The following MPHOSPH9 variants were observed in gnomAD, a reference collection of about 807,000 sequenced individuals.
The protein encoded by MPHOSPH9 is M-phase phosphoprotein 9.
In MPHOSPH9, 88 loss-of-function variants were observed where a neutral mutation model predicts 145.5. The ratio of observed to expected loss-of-function variants is 0.60; its 90% CI spans 0.51 to 0.72. The LOEUF (loss-of-function observed/expected upper bound fraction) is 0.72, where lower values mean the gene tolerates loss of function less well. Among genes scored for constraint, MPHOSPH9 ranks in the 30% least tolerant of loss-of-function variants. The probability of loss-of-function intolerance (pLI) is 0.00; values close to 1 mark genes in which losing one functional copy is unlikely to be tolerated. For missense variants in MPHOSPH9, 1,238 were observed against 1,386.6 expected (o/e 0.89, Z 1.70); for synonymous variants, 435 against 486.2 (o/e 0.89, Z 1.39).
intron 1 of MPHOSPH9, among the ~76,000 whole-genome samples, chr12:123,241,376 C>T (rs982066471): frequency 2.0e-5 from 3 of 152,026 alleles, no homozygotes; most frequent in South Asian, 2.1e-4. Flanking sequence ...CTTCAGTCTT[C>T]GCCCAGGCTG....
rs1260318 is a variant in MPHOSPH9, at chr12:123,161,284, G to T, written c.3233C>A (p.Ala1078Asp). ...GCTAACTGATTTATTCTTCTCCCAG[G>T]CTGTTCTCACAGATACTTTCTTCAC... ...NGVKKVSVRT[A>D]WEKNKSVSYE... Residue 1078 changes from alanine (A) to aspartate (D), a missense_variant, in exon 22 of 24, where the codon GCC becomes GAC. By Grantham distance (126) the Ala-to-Asp change is moderately radical. Coordinates refer to ENST00000606320, the MANE Select transcript of MPHOSPH9 (RefSeq NM_022782.4). 2.1e-3 allele frequency: 3,450 copies of T among 1,614,042 alleles called. 75 individuals carry two copies. In the African/African-American group the frequency reaches 0.041, roughly 19 times the overall value.
At chr12:123,175,493 G>A (rs1369653516) in intron 16 of MPHOSPH9, among the ~76,000 whole-genome samples, 2 of 152,074 alleles carry the variant, frequency 1.3e-5, no homozygotes, top group Non-Finnish European at 2.9e-5. Flanking sequence ...GCTATAAATG[G>A]TCAATCTCTG....
chr12:123,171,678 A>G (rs528498770), intron 16 of MPHOSPH9, among the ~76,000 whole-genome samples: 1 of 143,610 alleles, frequency 7.0e-6, no homozygotes, highest in African/African-American at 2.6e-5. Context: ...GAACATGGGA[A>G]GCAGAGGTTA....
At chr12:123,228,657 C>T (rs1439076547) in intron 2 of MPHOSPH9, among the ~76,000 whole-genome samples, 1 of 151,820 alleles carries the variant, frequency 6.6e-6, no homozygotes, top group Non-Finnish European at 1.5e-5. Context: ...CACTGCACCC[C>T]AGCCTAGTGA....
intron 1 of MPHOSPH9, among the ~76,000 whole-genome samples, chr12:123,238,527 T>A (rs2047885439): frequency 6.6e-6 from 1 of 152,128 alleles, no homozygotes; most frequent in Non-Finnish European, 1.5e-5. Context: ...TCCCAGCACT[T>A]TTTGAGACCG....
intron 12 of MPHOSPH9, among the ~76,000 whole-genome samples, chr12:123,195,845 G>T (rs147519737): frequency 6.6e-6 from 1 of 152,072 alleles, no homozygotes; most frequent in Non-Finnish European, 1.5e-5. Flanking sequence ...TTTAAGACCA[G>T]CCTGGGCGAC....
At chr12:123,182,823 A>G (rs1162676604) in intron 13 of MPHOSPH9, among the ~76,000 whole-genome samples, 1 of 151,854 alleles carries the variant, frequency 6.6e-6, no homozygotes, top group African/African-American at 2.4e-5. Flanking sequence ...CTGAGGTGGG[A>G]GAACTGCTTG....
chr12:123,223,167 T>C, intron 3 of MPHOSPH9, 40 bp from the exon 4 acceptor site: 1 of 1,215,812 alleles, frequency 8.2e-7, no homozygotes, highest in Non-Finnish European at 1.1e-6. Context: ...AATAATTTTT[T>C]GACTTAACAT....
chr12:123,190,339 A>G (rs942966471), intron 13 of MPHOSPH9, among the ~76,000 whole-genome samples: 1 of 152,026 alleles, frequency 6.6e-6, no homozygotes, highest in Non-Finnish European at 1.5e-5. Context: ...TTTTTAGTAG[A>G]GACGGGGTTT....
intron 12 of MPHOSPH9, among the ~76,000 whole-genome samples, chr12:123,197,548 CCGAGGTGGGTGGATCA>C (rs1479935194): frequency 1.3e-5 from 2 of 152,038 alleles, no homozygotes; most frequent in Non-Finnish European, 2.9e-5. Flanking sequence ...CTCTGGGAGG[CCGAGGTGGGTGGATCA>C]CGAGGTCAGG....
chr12:123,173,646 C>T (rs1565908740), intron 16 of MPHOSPH9, among the ~76,000 whole-genome samples: 1 of 152,116 alleles, frequency 6.6e-6, no homozygotes, highest in Non-Finnish European at 1.5e-5. Context: ...ATAAAATGCC[C>T]AAAAGGACAG....
intron 6 of MPHOSPH9, among the ~76,000 whole-genome samples, chr12:123,216,891 A>G (rs2046985831): frequency 6.6e-6 from 1 of 151,990 alleles, no homozygotes; most frequent in South Asian, 2.1e-4. Context: ...CGAGAGGCCG[A>G]GGCAGGAGAA....
chr12:123,163,935 A>G lies in MPHOSPH9; in HGVS notation c.2908+15T>C, dbSNP rs779218362. ...ACGCTTTTGAACCCAAGAGATGTAC[A>G]CATCTAACTCTTACTTGGAGTACTT... On this transcript the variant is annotated intron_variant, in intron 19 of 23. Transcript: ENST00000606320. 6.2e-7 allele frequency: 1 copy of G among 1,613,862 alleles called. No homozygotes were observed. The highest frequency in any genetic ancestry group is 2.2e-5 in the East Asian group (1 of 44,858).
chr12:123,179,478 G>A (rs939156368), intron 15 of MPHOSPH9, among the ~76,000 whole-genome samples: 1 of 152,124 alleles, frequency 6.6e-6, no homozygotes, highest in African/African-American at 2.4e-5. Context: ...GGGAGGCTGA[G>A]GCAGGAGAAT....
chr12:123,166,736 T>C lies in MPHOSPH9; in HGVS notation c.2510A>G (p.Glu837Gly). ...SRRKWLIPGA[E>G]YSIFTGQPLD... Reference sequence around the variant, plus strand: ...AGGCTGGCCAGTAAAGATGGAATACTCTGCACCTGGAATCAGCCATTTCCG... The same window carrying C: ...AGGCTGGCCAGTAAAGATGGAATACCCTGCACCTGGAATCAGCCATTTCCG... Residue 837 changes from glutamate to glycine, a missense_variant, in exon 17 of 24, where the codon GAG (glutamate) becomes GGG (glycine). By Grantham distance (98) the Glu-to-Gly change is moderately conservative. Transcript: ENST00000606320. 2 of 1,614,082 alleles carry C rather than the reference T, an allele frequency of 1.2e-6. No homozygotes were observed. Among genetic ancestry groups the C allele is most frequent in the Admixed American group, 1.7e-5 (1 of 59,964 alleles).
intron 1 of MPHOSPH9, among the ~76,000 whole-genome samples, chr12:123,231,499 TC>T (rs2047633321): frequency 6.6e-6 from 1 of 152,138 alleles, no homozygotes; most frequent in Non-Finnish European, 1.5e-5. Flanking sequence ...ATATATATGG[TC>T]TTTTGTCTCT....
Position 123,223,017 on chromosome 12 carries a change from T to G in MPHOSPH9, c.348+21A>C, listed in dbSNP as rs919983045. The G allele has an allele frequency of 3.5e-6, 5 of 1,430,248 alleles. No homozygotes were observed. In the East Asian group the frequency reaches 1.3e-4, roughly 37 times the overall value. The allele number at this position is 1,430,248 out of a possible 1,614,324, so 88.6% of individuals were successfully genotyped here. On this transcript the variant is annotated intron_variant, in intron 4 of 23. Coordinates refer to ENST00000606320, the MANE Select transcript of MPHOSPH9 (RefSeq NM_022782.4). The stretch of plus-strand genomic sequence containing the variant: ...ATGTATATGTATATAAAAAAAGGAA[T>G]CAATGTAAATGGTAACTTACTTGAA...
intron 3 of MPHOSPH9, among the ~76,000 whole-genome samples, chr12:123,224,832 A>C (rs2047372081): frequency 6.6e-6 from 1 of 152,200 alleles, no homozygotes; most frequent in Admixed American, 6.5e-5. Flanking sequence ...TCAGAAAAGC[A>C]TGTCACCAGT....
intron 8 of MPHOSPH9, among the ~76,000 whole-genome samples, chr12:123,205,873 A>C (rs1379033423): frequency 2.0e-5 from 3 of 152,170 alleles, no homozygotes; most frequent in Non-Finnish European, 4.4e-5. Context: ...TTCCCTGCTC[A>C]TGAGCTCAAA....
Sources: allele counts gnomAD v4.1 joint callset (sites outside exome capture counted in the v4.1 genomes callset), GRCh38; gene constraint gnomAD v4.1.1; transcripts MANE v1.5; gene names NCBI Gene and HGNC (gene_info 2026-07-23, HGNC 2026-07-21).